SCUBE1: variants seen among roughly 807,000 people sequenced by gnomAD.
SCUBE1 encodes signal peptide, CUB and EGF-like domain-containing protein 1.
In SCUBE1, 59 loss-of-function variants were observed where a neutral mutation model predicts 124.4. The observed-to-expected ratio is 0.47, with a 90% CI of 0.38 to 0.59. The LOEUF is 0.59. Ranked by LOEUF, SCUBE1 falls within the 20% of genes least tolerant of loss-of-function variation. The pLI is 0.00. For missense variants in SCUBE1, 1,150 were observed against 1,371.2 expected, an observed-to-expected ratio of 0.84 and a Z score of 2.55; for synonymous variants, 545 against 550.9, an observed-to-expected ratio of 0.99 and a Z score of 0.15.
chr22:43,233,389 T>C (rs1459738444), intron 7 of SCUBE1: 1 of 152,190 alleles, frequency 6.6e-6, no homozygotes, highest in Admixed American at 6.5e-5. Context: ...TAATAATCAG[T>C]GCTGCCTTTC....
intron 4 of SCUBE1, chr22:43,283,767 C>T (rs1166331483): frequency 6.6e-6 from 1 of 152,196 alleles, no homozygotes; most frequent in African/African-American, 2.4e-5. Context: ...TGAGACCACT[C>T]TTCACTATTT....
chr22:43,311,301 A>AC (rs1230126993), intron 3 of SCUBE1, among the ~76,000 whole-genome samples: 2 of 152,104 alleles, frequency 1.3e-5, no homozygotes, highest in African/African-American at 4.8e-5. Context: ...GCCTTTGTTC[A>AC]CCACCATAGT....
intron 1 of SCUBE1, among the ~76,000 whole-genome samples, chr22:43,339,649 T>C (rs1223686268): frequency 3.9e-4 from 25 of 63,368 alleles, no homozygotes; most frequent in African/African-American, 1.7e-3. Context: ...CCCACAAGCA[T>C]CACTCCAGCC....
chr22:43,326,898 G>T (rs1926744902), intron 2 of SCUBE1, among the ~76,000 whole-genome samples: 1 of 152,030 alleles, frequency 6.6e-6, no homozygotes, highest in Non-Finnish European at 1.5e-5. Flanking sequence ...CCTCCTCCCT[G>T]AAGCTTTTGC....
intron 1 of SCUBE1, 50 bp downstream of exon 1, chr22:43,343,124 C>T: frequency 1.0e-6 from 1 of 982,578 alleles, no homozygotes; most frequent in Non-Finnish European, 1.3e-6. Flanking sequence ...CGCGCCTCGG[C>T]CGCCCGAGCC....
chr22:43,303,299 T>G lies in SCUBE1; in HGVS notation c.350-12119A>C, dbSNP rs188591674. 8.1e-3 allele frequency among the ~76,000 whole-genome samples: 1,241 copies of G among 152,346 alleles called. 11 individuals are homozygous for G. Among genetic ancestry groups the G allele is most frequent in the Non-Finnish European group, 0.013 (860 of 68,018 alleles). ...AGGTATCCTTGAGCGTGAGCGTCCT[T>G]GGCACACGCCAGGCCTGTGGCCATA... On this transcript the variant is annotated intron_variant, in intron 3 of 21. Coordinates refer to ENST00000360835, the MANE Select transcript of SCUBE1 (RefSeq NM_173050.5).
intron 3 of SCUBE1, among the ~76,000 whole-genome samples, chr22:43,291,732 G>A (rs1925369035): frequency 6.6e-6 from 1 of 152,168 alleles, no homozygotes; most frequent in South Asian, 2.1e-4. Flanking sequence ...CAGTGGCTAT[G>A]ATGCTAGCTC....
At chr22:43,269,087 C>T (rs976278508) in intron 4 of SCUBE1, among the ~76,000 whole-genome samples, 5 of 152,154 alleles carry the variant, frequency 3.3e-5, no homozygotes, top group Admixed American at 2.0e-4. Flanking sequence ...GCCTGATGAG[C>T]GGGCATCACC....
chr22:43,214,218 T>C lies in SCUBE1; in HGVS notation c.1925A>G (p.Glu642Gly), dbSNP rs1442174207. The stretch of plus-strand genomic sequence containing the variant: ...CATACATGACACACACTGGCCGAGC[T>C]CACCACCGAAGTGGGTGCCAGGCCC... ...ACGPGTHFGG[E>G]LGQCVSCMPG... is the part of the protein sequence containing the mutation. Residue 642 changes from glutamate to glycine, a missense_variant, in exon 16 of 22, where the codon GAG becomes GGG. Physicochemically the swap from Glu to Gly is moderately conservative, Grantham distance 98 (BLOSUM62 -2). Around this residue, in one of 3 missense-constraint regions of SCUBE1, gnomAD observed 757 missense variants for 840.9 expected, o/e 0.90. Transcript: ENST00000360835. The C allele has an allele frequency of 1.9e-6, 3 of 1,612,684 alleles. No homozygotes were observed. The highest frequency in any genetic ancestry group is 2.5e-6 in the Non-Finnish European group (3 of 1,179,806).
chr22:43,215,900 C>A, intron 15 of SCUBE1, among the ~76,000 whole-genome samples: 1 of 147,370 alleles, frequency 6.8e-6, no homozygotes, highest in Admixed American at 6.6e-5. Context: ...CTCACACATG[C>A]ATGCACACTC....
intron 4 of SCUBE1, chr22:43,282,283 G>C (rs866091016): frequency 6.6e-6 from 1 of 152,484 alleles, no homozygotes; most frequent in African/African-American, 2.4e-5. Context: ...CCCTCCAGGC[G>C]CTGTGGACCT....
intron 7 of SCUBE1, chr22:43,238,480 G>T (rs1035851627): frequency 1.8e-6 from 1 of 570,752 alleles, no homozygotes; most frequent in South Asian, 2.3e-5. Context: ...CATTCTACGC[G>T]CCTTGGGAAG....
chr22:43,312,595 G>A (rs892333109), intron 3 of SCUBE1, among the ~76,000 whole-genome samples: 3 of 152,176 alleles, frequency 2.0e-5, no homozygotes, highest in Non-Finnish European at 4.4e-5. Context: ...GTTGGATGGG[G>A]TAAGACAAGG....
At chr22:43,331,569 G>A (rs1012024234) in intron 2 of SCUBE1, among the ~76,000 whole-genome samples, 8 of 152,162 alleles carry the variant, frequency 5.3e-5, no homozygotes, top group Non-Finnish European at 7.3e-5. Flanking sequence ...ATTTGAGGGC[G>A]GTTTGCTCCT....
intron 12 of SCUBE1, among the ~76,000 whole-genome samples, chr22:43,221,999 G>A (rs1399272422): frequency 6.6e-6 from 1 of 152,156 alleles, no homozygotes; most frequent in Non-Finnish European, 1.5e-5. Context: ...GGGAGGCGGA[G>A]GTTGCAGTGA....
chr22:43,271,299 C>CCA (rs1375281489), intron 4 of SCUBE1, among the ~76,000 whole-genome samples: 3 of 152,188 alleles, frequency 2.0e-5, no homozygotes, highest in African/African-American at 7.2e-5. Context: ...TCAAAAGGGC[C>CCA]CACACCTGAG....
intron 3 of SCUBE1, among the ~76,000 whole-genome samples, chr22:43,301,816 T>A (rs995829739): frequency 6.6e-6 from 1 of 152,200 alleles, no homozygotes; most frequent in Non-Finnish European, 1.5e-5. Flanking sequence ...GCGGACTGGA[T>A]AACGGACTGA....
intron 3 of SCUBE1, among the ~76,000 whole-genome samples, chr22:43,294,443 GC>G (rs1163858885): frequency 1.3e-5 from 2 of 151,908 alleles, no homozygotes; most frequent in East Asian, 3.9e-4. Flanking sequence ...CCCTGGCCAG[GC>G]CTGGCAGGGC....
At position 43,240,450 on chromosome 22, in the gene SCUBE1, G is replaced by A. The variant is rs1055943389; in HGVS notation, c.728-1496C>T. Among the ~76,000 whole-genome samples the A allele has an allele frequency of 2.6e-5, 4 of 152,324 alleles. No individual in the cohort carries two copies. In the East Asian group the frequency reaches 7.7e-4, roughly 30 times the overall value. ...GGAGCCTCCCTGATACCCCAGACAC[G>A]GAGGGAAGGTGTCATCCTTCCTCAG... On this transcript the variant is annotated intron_variant, in intron 6 of 21. Transcript: ENST00000360835.
Sources: allele counts gnomAD v4.1 joint callset (sites outside exome capture counted in the v4.1 genomes callset), GRCh38; gene constraint gnomAD v4.1.1; regional missense constraint gnomAD v4.1.1; transcripts MANE v1.5; gene names NCBI Gene and HGNC (gene_info 2026-07-23, HGNC 2026-07-21).